CMYA5: variants seen among roughly 807,000 people sequenced by gnomAD.
The protein encoded by CMYA5 is cardiomyopathy associated 5.
A neutral mutation model predicts 318.9 loss-of-function variants in CMYA5; 246 were observed. The observed-to-expected ratio is 0.77, with a 90% CI of 0.70 to 0.86. CMYA5 has a LOEUF of 0.86. Among genes scored for constraint, CMYA5 ranks in the 40% least tolerant of loss-of-function variants. CMYA5 has a pLI of 0.00. For synonymous variants in CMYA5, 1,641 were observed against 1,729.5 expected (o/e 0.95, Z 1.27); for missense variants, 4,589 against 4,678.2 (o/e 0.98, Z 0.56).
At chr5:79,778,981 T>C (rs1829002513) in intron 9 of CMYA5, among the ~76,000 whole-genome samples, 2 of 112,216 alleles carry the variant, frequency 1.8e-5, no homozygotes, top group Non-Finnish European at 3.5e-5. Flanking sequence ...GTTACATATG[T>C]ATACATGTGC....
chr5:79,770,102 T>C (rs1267452381), intron 9 of CMYA5, among the ~76,000 whole-genome samples: 1 of 152,146 alleles, frequency 6.6e-6, no homozygotes, highest in African/African-American at 2.4e-5. Context: ...GTTGACACCG[T>C]GAGGGGAAAA....
At chr5:79,702,262 G>GTA (rs1827187389) in intron 1 of CMYA5, among the ~76,000 whole-genome samples, 1 of 152,028 alleles carries the variant, frequency 6.6e-6, no homozygotes, top group Non-Finnish European at 1.5e-5. Flanking sequence ...GCTGAGCATG[G>GTA]TATAGTTCTA....
chr5:79,696,675 T>A (rs2151074405), intron 1 of CMYA5, among the ~76,000 whole-genome samples: 1 of 152,354 alleles, frequency 6.6e-6, no homozygotes, highest in African/African-American at 2.4e-5. Flanking sequence ...CTTAAATTGT[T>A]GGTTTATAAA....
At chr5:79,755,073 T>C (rs1211606253) in intron 6 of CMYA5, among the ~76,000 whole-genome samples, 1 of 152,190 alleles carries the variant, frequency 6.6e-6, no homozygotes, top group Non-Finnish European at 1.5e-5. Context: ...TTGTGAATAA[T>C]GCTGCTCCCC....
At chr5:79,748,496 C>T (rs947679789) in intron 5 of CMYA5, among the ~76,000 whole-genome samples, 1 of 144,662 alleles carries the variant, frequency 6.9e-6, no homozygotes, top group Non-Finnish European at 1.5e-5. Context: ...TTCCGAGTTC[C>T]CTATCTATCT....
Position 79,758,783 on chromosome 5 carries a change from A to G in CMYA5, c.11141A>G (p.Glu3714Gly), listed in dbSNP as rs758569865. Reference sequence around the variant, plus strand: ...CAGCCTCCTAGATTAGAACCTCAGGAACCAAATTCTGCCACCAGCACAACA... The same window carrying G: ...CAGCCTCCTAGATTAGAACCTCAGGGACCAAATTCTGCCACCAGCACAACA... ...VPQPPRLEPQ[E>G]PNSATSTTIA... Residue 3714 changes from glutamate (E) to glycine (G), a missense_variant, in exon 7 of 13, where the codon GAA becomes GGA. By Grantham distance (98) the Glu-to-Gly change is moderately conservative. Around this residue, in one of 3 missense-constraint regions of CMYA5, gnomAD observed 2,431 missense variants for 2,495.1 expected, o/e 0.97. Coordinates refer to ENST00000446378, the MANE Select transcript of CMYA5 (RefSeq NM_153610.5). The G allele has an allele frequency of 6.2e-7, 1 of 1,605,700 alleles. No individual in the cohort carries two copies. The highest frequency in any genetic ancestry group is 2.3e-5 in the East Asian group (1 of 44,344).
At chr5:79,695,392 T>G (rs1446954472) in intron 1 of CMYA5, among the ~76,000 whole-genome samples, 1 of 152,254 alleles carries the variant, frequency 6.6e-6, no homozygotes, top group Non-Finnish European at 1.5e-5. Context: ...TATTACCATT[T>G]CAACATGTAA....
chr5:79,738,372 G>A lies in CMYA5; in HGVS notation c.9607G>A (p.Glu3203Lys). ...YKDLYEEAVG[E>K]KKKEEETASE... ...GGATCTGTATGAAGAAGCAGTTGGA[G>A]AGAAAAAGAAGGAAGAGGAGACAGC... Residue 3203 changes from glutamate to lysine, a missense_variant, in exon 2 of 13, where the codon GAG (glutamate) becomes AAG (lysine). Physicochemically the swap from Glu to Lys is moderately conservative, Grantham distance 56. Coordinates refer to ENST00000446378, the MANE Select transcript of CMYA5 (RefSeq NM_153610.5). 6.2e-7 allele frequency: 1 copy of A among 1,613,714 alleles called. No homozygotes were observed.
intron 1 of CMYA5, among the ~76,000 whole-genome samples, chr5:79,694,214 A>G (rs16877037): frequency 1.9e-3 from 285 of 152,342 alleles, no homozygotes; most frequent in African/African-American, 6.4e-3. Flanking sequence ...TGTGTCTACT[A>G]TACCAGTCAG....
intron 1 of CMYA5, among the ~76,000 whole-genome samples, chr5:79,704,625 T>C (rs1048799399): frequency 6.6e-6 from 1 of 152,164 alleles, no homozygotes; most frequent in Admixed American, 6.5e-5. Context: ...TCTCTTAATC[T>C]CTTTGGGAAA....
At position 79,793,585 on chromosome 5, in the gene CMYA5, T is replaced by C; in HGVS notation, c.11938T>C (p.Tyr3980His). The C allele has an allele frequency of 6.2e-7, 1 of 1,612,650 alleles. No homozygotes were observed. The highest frequency in any genetic ancestry group is 8.5e-7 in the Non-Finnish European group (1 of 1,178,856). The change falls in exon 12 of 13, where the codon TAC becomes CAC. Residue 3980 changes from tyrosine (Y) to histidine (H), a missense_variant. Physicochemically the swap from Tyr to His is moderately conservative, Grantham distance 83. This residue lies in a region of CMYA5 where 2,431 missense variants were observed against 2,495.1 expected (regional missense o/e 0.97). Transcript: ENST00000446378. ...CCTAGGACAAGGGGAGACCTCATGG[T>C]ACATGCACTGCTCTGAGCCACAGAG... ...GALGQGETSW[Y>H]MHCSEPQRYT... is the part of the protein sequence containing the mutation.
rs555027538 is a variant in CMYA5 at position 79,789,070 on chromosome 5, T to C, written c.11655T>C (p.Ser3885=). The change falls in exon 10 of 13, where the codon AGT becomes AGC. Residue 3885 remains serine, a synonymous_variant. Transcript: ENST00000446378. ...YVRAINAFGT[S]EQSEAALIST... ...GGGCCATCAATGCATTTGGGACAAG[T>C]GAACAGAGTGAAGCTGCTCTCATCT... 8.1e-6 allele frequency: 13 copies of C among 1,613,976 alleles called. No homozygotes were observed. In the African/African-American group the frequency reaches 1.1e-4, roughly 13 times the overall value.
At chr5:79,775,665 T>G (rs1317482952) in intron 9 of CMYA5, among the ~76,000 whole-genome samples, 3 of 152,222 alleles carry the variant, frequency 2.0e-5, no homozygotes, top group African/African-American at 7.2e-5. Flanking sequence ...TTCATGTAGA[T>G]CTTTATATAA....
chr5:79,772,322 T>C (rs191881752), intron 9 of CMYA5, among the ~76,000 whole-genome samples: 135 of 152,248 alleles, frequency 8.9e-4, no homozygotes, highest in African/African-American at 3.2e-3. Context: ...TATTGAGTGG[T>C]TATAGTCCAG....
chr5:79,734,611 A>G lies in CMYA5; in HGVS notation c.5846A>G (p.His1949Arg). The change falls in exon 2 of 13, where the codon CAT (histidine) becomes CGT (arginine). Residue 1949 changes from histidine (H) to arginine (R), a missense_variant. Coordinates refer to ENST00000446378, the MANE Select transcript of CMYA5 (RefSeq NM_153610.5). ...TCEVRKQVLP[H>R]SAEESHLSSQ... ...GAAGTGAGAAAGCAGGTCCTGCCGC[A>G]TTCTGCTGAAGAATCTCATTTGTCA... 1.2e-6 allele frequency: 2 copies of G among 1,613,868 alleles called. No homozygotes were observed. The highest frequency in any genetic ancestry group is 1.1e-5 in the South Asian group (1 of 91,080).
intron 1 of CMYA5, among the ~76,000 whole-genome samples, chr5:79,726,415 G>T (rs367761412): frequency 1.3e-5 from 2 of 152,132 alleles, no homozygotes; most frequent in Non-Finnish European, 2.9e-5. Flanking sequence ...CTTTAATTAG[G>T]TATGTAAAAG....
chr5:79,699,120 T>A (rs993908200), intron 1 of CMYA5, among the ~76,000 whole-genome samples: 1 of 151,930 alleles, frequency 6.6e-6, no homozygotes, highest in South Asian at 2.1e-4. Flanking sequence ...ATGGTACCAC[T>A]GCACTCCAGC....
At chr5:79,742,640 C>T (rs1353328585) in intron 2 of CMYA5, among the ~76,000 whole-genome samples, 1 of 152,126 alleles carries the variant, frequency 6.6e-6, no homozygotes, top group African/African-American at 2.4e-5. Flanking sequence ...CAGTCCATCC[C>T]CATCATGTGC....
Position 79,734,273 on chromosome 5 carries a change from A to G in CMYA5, c.5508A>G (p.Leu1836=), listed in dbSNP as rs1827996765. ...TTCATTCAGATCAAACTGTTAAATTACCTGATGTAAGCACCTCTTCTGAAG... is the reference window on the plus strand; with the variant it reads ...TTCATTCAGATCAAACTGTTAAATTGCCTGATGTAAGCACCTCTTCTGAAG... ...KALHSDQTVK[L]PDVSTSSEDK... The change falls in exon 2 of 13, where the codon TTA becomes TTG. Residue 1836 remains leucine (L), a synonymous_variant. Coordinates refer to ENST00000446378, the MANE Select transcript of CMYA5 (RefSeq NM_153610.5). The G allele has an allele frequency of 3.1e-6, 5 of 1,613,404 alleles. No individual in the cohort carries two copies. The highest frequency in any genetic ancestry group is 3.4e-6 in the Non-Finnish European group (4 of 1,179,748).
Sources: allele counts gnomAD v4.1 joint callset (sites outside exome capture counted in the v4.1 genomes callset), GRCh38; gene constraint gnomAD v4.1.1; regional missense constraint gnomAD v4.1.1; transcripts MANE v1.5; gene names NCBI Gene and HGNC (gene_info 2026-07-23, HGNC 2026-07-21).